Variants in OR13G1 observed in about 807,000 individuals in gnomAD.
OR13G1 encodes the protein olfactory receptor 13G1.
For missense variants in OR13G1, 369 were observed against 385.7 expected (o/e 0.96, Z 0.36); for synonymous variants, 128 against 136.2 (o/e 0.94, Z 0.42).
Position 247,673,057 on chromosome 1 carries a change from G to C in OR13G1, c.-16C>G. 6.4e-7 allele frequency: 1 copy of C among 1,571,716 alleles called. No individual in the cohort carries two copies. Among genetic ancestry groups the C allele is most frequent in the Non-Finnish European group, 8.7e-7 (1 of 1,151,956 alleles). ...TGTGATTCATCCTGCTTGGGTGATTGAATGGCAGTAATTGCACAGAATAAA... is the reference window on the plus strand; with the variant it reads ...TGTGATTCATCCTGCTTGGGTGATTCAATGGCAGTAATTGCACAGAATAAA... On this transcript the variant is annotated 5_prime_UTR_variant, in exon 2 of 2. Transcript: ENST00000642119.
At chr1:247,673,961 A>G (rs914310181) in intron 1 of OR13G1, among the ~76,000 whole-genome samples, 1 of 152,130 alleles carries the variant, frequency 6.6e-6, no homozygotes, top group African/African-American at 2.4e-5. Flanking sequence ...CTGGAAAATA[A>G]TTTCTAGGAC....
At chr1:247,675,465 G>A (rs552253827) in intron 1 of OR13G1, among the ~76,000 whole-genome samples, 1 of 152,280 alleles carries the variant, frequency 6.6e-6, no homozygotes, top group Non-Finnish European at 1.5e-5. Flanking sequence ...TAAGTTAAGA[G>A]CAAAGGCAAG....
At chr1:247,674,308 C>A (rs1007974325) in intron 1 of OR13G1, among the ~76,000 whole-genome samples, 1 of 152,130 alleles carries the variant, frequency 6.6e-6, no homozygotes, top group African/African-American at 2.4e-5. Context: ...TGAATTTAGT[C>A]ATAAATTTAT....
At chr1:247,677,867 G>C (rs1402484946) in intron 1 of OR13G1, among the ~76,000 whole-genome samples, 1 of 152,186 alleles carries the variant, frequency 6.6e-6, no homozygotes. Flanking sequence ...CACTTTGGGA[G>C]GCCAAGACGG....
chr1:247,675,320 G>A (rs1572440384), intron 1 of OR13G1, among the ~76,000 whole-genome samples: 1 of 151,500 alleles, frequency 6.6e-6, no homozygotes, highest in Non-Finnish European at 1.5e-5. Context: ...ATTTATCCAC[G>A]TAACTGTTAC....
Position 247,671,796 on chromosome 1 carries a change from C to A in OR13G1, c.*322G>T. On this transcript the variant is annotated 3_prime_UTR_variant, in exon 2 of 2. Coordinates refer to ENST00000642119, the MANE Select transcript of OR13G1 (RefSeq NM_001005487.2). ...TACACAAAATGTTTTGTGATATTTG[C>A]ATGTATGATGTGCACATGCACATAT... is the stretch of plus-strand genomic sequence containing the variant. The A allele has an allele frequency of 4.1e-6, 1 of 244,392 alleles. No individual in the cohort carries two copies. The highest frequency in any genetic ancestry group is 7.9e-6 in the Non-Finnish European group (1 of 126,196). 15.1% of individuals were successfully genotyped at this position (244,392 alleles called of 1,614,324 possible).
At chr1:247,677,963 G>A (rs1481597643) in intron 1 of OR13G1, among the ~76,000 whole-genome samples, 1 of 152,090 alleles carries the variant, frequency 6.6e-6, no homozygotes, top group African/African-American at 2.4e-5. Context: ...AATTAGCTGG[G>A]CATGGTGGCA....
chr1:247,672,380 G>A lies in OR13G1; in HGVS notation c.662C>T (p.Ala221Val). The change falls in exon 2 of 2, where the codon GCT becomes GTT. Residue 221 changes from alanine to valine, a missense_variant. Physicochemically the swap from Ala to Val is moderately conservative, Grantham distance 64. Transcript: ENST00000642119. ...TCISYGFIIV[A>V]ILRIRTVEGK... Reference sequence around the variant, plus strand: ...TTCTACTGTGCGGATACGGAGAATAGCAACAATGATAAAACCATAGGAGAT... The same window carrying A: ...TTCTACTGTGCGGATACGGAGAATAACAACAATGATAAAACCATAGGAGAT... 1 of 1,614,074 alleles carries A rather than the reference G, an allele frequency of 6.2e-7. No individual in the cohort carries two copies. Among genetic ancestry groups the A allele is most frequent in the South Asian group, 1.1e-5 (1 of 91,072 alleles).
chr1:247,672,881 G>A lies in OR13G1; in HGVS notation c.161C>T (p.Thr54Met), dbSNP rs200763482. The change falls in exon 2 of 2, where the codon ACG becomes ATG. Residue 54 changes from threonine to methionine, a missense_variant. Physicochemically the swap from Thr to Met is moderately conservative, Grantham distance 81 (BLOSUM62 -1). Coordinates refer to ENST00000642119, the MANE Select transcript of OR13G1 (RefSeq NM_001005487.2). ...TGTCAGAAGGAAAACATACATGGGC[G>A]TATGCAAGGTGTTGTTATAGATTTT... ...IAKIYNNTLH[T>M]PMYVFLLTLA... 1.9e-5 allele frequency: 30 copies of A among 1,614,048 alleles called. No homozygotes were observed. The Admixed American group carries it at 3.0e-4, about 16-fold the overall frequency.
At chr1:247,674,804 C>T (rs922366520) in intron 1 of OR13G1, among the ~76,000 whole-genome samples, 1 of 152,158 alleles carries the variant, frequency 6.6e-6, no homozygotes, top group South Asian at 2.1e-4. Flanking sequence ...CCTAGATCAT[C>T]TGACTCCAAA....
chr1:247,677,344 T>A (rs573429383), intron 1 of OR13G1, among the ~76,000 whole-genome samples: 64 of 152,234 alleles, frequency 4.2e-4, no homozygotes, highest in Non-Finnish European at 8.2e-4. Flanking sequence ...AAGGGAGAAA[T>A]TTTAGATTTC....
At chr1:247,675,145 A>T (rs1659318825) in intron 1 of OR13G1, among the ~76,000 whole-genome samples, 2 of 152,120 alleles carry the variant, frequency 1.3e-5, no homozygotes. Context: ...TCTTGAGATA[A>T]ATTTATAAGA....
chr1:247,673,161 T>C lies in OR13G1; in HGVS notation c.-120A>G, dbSNP rs530163561. 4 of 741,046 alleles carry C rather than the reference T, an allele frequency of 5.4e-6. No homozygotes were observed. The South Asian group carries it at 7.4e-5, about 14-fold the overall frequency. 45.9% of individuals were successfully genotyped at this position (741,046 alleles called of 1,614,324 possible). On this transcript the variant is annotated 5_prime_UTR_variant, in exon 2 of 2. Transcript: ENST00000642119. Reference sequence around the variant, plus strand: ...GTGTACTTAGGGACTTAATTCTTGATTGGACACAACTTTGCAGCAGGAATT... The same window carrying C: ...GTGTACTTAGGGACTTAATTCTTGACTGGACACAACTTTGCAGCAGGAATT...
Position 247,672,499 on chromosome 1 carries a change from CA to C in OR13G1, c.542del (p.Leu181CysfsTer9). ...TTACAGGGCTACAGGACAAAGCCAG[CA>C]ATGGGGGTATCTCACAGAAGAAGTG... ...IDHFFCEIPP[L>X]LALSCSPVRI... On this transcript the variant is annotated frameshift_variant, in exon 2 of 2. Coordinates refer to ENST00000642119, the MANE Select transcript of OR13G1 (RefSeq NM_001005487.2). LOFTEE classifies it low-confidence loss of function (END_TRUNC). 2 of 1,614,078 alleles carry C rather than the reference CA, an allele frequency of 1.2e-6. No homozygotes were observed. The highest frequency in any genetic ancestry group is 1.7e-6 in the Non-Finnish European group (2 of 1,179,998).
chr1:247,678,060 G>A (rs919887372), intron 1 of OR13G1, among the ~76,000 whole-genome samples: 8 of 152,226 alleles, frequency 5.3e-5, no homozygotes, highest in African/African-American at 1.9e-4. Flanking sequence ...CCGAGATCGC[G>A]CCATTGCACT....
chr1:247,675,132 G>T (rs1236319663), intron 1 of OR13G1, among the ~76,000 whole-genome samples: 1 of 152,076 alleles, frequency 6.6e-6, no homozygotes. Flanking sequence ...TGACGTCAAA[G>T]CTTCTTGAGA....
chr1:247,673,373 CAT>C (rs4002908), intron 1 of OR13G1, 94 bp from the exon 2 acceptor site: 101,131 of 234,668 alleles, frequency 0.43, 22,244 homozygotes, highest in Admixed American at 0.58. Flanking sequence ...TACACACACA[CAT>C]ATATATATAT....
Position 247,670,917 on chromosome 1 carries a change from A to G in OR13G1, c.*1201T>C, listed in dbSNP as rs1042597661. The G allele has an allele frequency of 1.3e-3, 195 of 152,180 alleles. No homozygotes were observed. Among genetic ancestry groups the G allele is most frequent in the African/African-American group, 4.4e-3 (183 of 41,530 alleles). 9.4% of individuals were successfully genotyped at this position (152,180 alleles called of 1,614,324 possible). On this transcript the variant is annotated 3_prime_UTR_variant, in exon 2 of 2. Transcript: ENST00000642119. ...CTTTACTAATCACAGCAAATGATAT[A>G]TTTCTTCCAACTTGTTATAAGATGT...
chr1:247,672,806 A>G lies in OR13G1; in HGVS notation c.236T>C (p.Leu79Pro). 1 of 1,614,102 alleles carries G rather than the reference A, an allele frequency of 6.2e-7. No homozygotes were observed. The highest frequency in any genetic ancestry group is 8.5e-7 in the Non-Finnish European group (1 of 1,180,004). ...ATTTTCTGATGTTAGCATGGTCCCC[A>G]GCATCTTCGGTATGATGCTTGTTGT... is the stretch of plus-strand genomic sequence containing the variant. ...ICTTSIIPKM[L>P]GTMLTSENTI... Residue 79 changes from leucine (L) to proline (P), a missense_variant, in exon 2 of 2, where the codon CTG becomes CCG. Physicochemically the swap from Leu to Pro is moderately conservative, Grantham distance 98. Transcript: ENST00000642119.
Sources: gnomAD v4.1 joint callset for allele counts (sites outside exome capture counted in the v4.1 genomes callset) on GRCh38, gnomAD v4.1.1 for gene constraint, MANE v1.5 for transcripts, NCBI Gene and HGNC (gene_info 2026-07-23, HGNC 2026-07-21) for gene names.